Variants in DNAJC6 observed in about 807,000 individuals in gnomAD.
DNAJC6 encodes auxilin.
In DNAJC6, 34 loss-of-function variants were observed where a neutral mutation model predicts 110.0. The observed-to-expected ratio is 0.31, with a 90% CI of 0.24 to 0.41. The LOEUF is 0.41. Among genes scored for constraint, DNAJC6 ranks in the 10% least tolerant of loss-of-function variants. The pLI is 1.00. For synonymous variants in DNAJC6, 406 were observed against 437.2 expected (o/e 0.93, Z 0.89); for missense variants, 1,031 against 1,207.8 (o/e 0.85, Z 2.17).
intron 11 of DNAJC6, 28 bp downstream of exon 11, chr1:65,389,655 A>T: frequency 6.2e-7 from 1 of 1,605,630 alleles, no homozygotes; most frequent in Non-Finnish European, 8.5e-7. Flanking sequence ...TTTAAGTCAC[A>T]TGGTTTGATG....
chr1:65,340,720 G>T (rs1004520590), intron 1 of DNAJC6, among the ~76,000 whole-genome samples: 1 of 152,138 alleles, frequency 6.6e-6, no homozygotes, highest in Admixed American at 6.6e-5. Flanking sequence ...AGTGTCCAAA[G>T]AATGGTAGCT....
chr1:65,323,329 G>A (rs1319272181), intron 1 of DNAJC6, among the ~76,000 whole-genome samples: 2 of 152,182 alleles, frequency 1.3e-5, no homozygotes, highest in African/African-American at 2.4e-5. Context: ...CTCCCTTGCT[G>A]TTCTCATGAT....
At chr1:65,278,668 A>G (rs2101178382) in intron 1 of DNAJC6, among the ~76,000 whole-genome samples, 1 of 152,334 alleles carries the variant, frequency 6.6e-6, no homozygotes, top group Admixed American at 6.5e-5. Context: ...TAGAGTAACA[A>G]AGAAAGTGCC....
chr1:65,279,216 G>C, intron 1 of DNAJC6: 3 of 958,760 alleles, frequency 3.1e-6, no homozygotes, highest in South Asian at 9.7e-5. Flanking sequence ...GAGGGGCGGT[G>C]ATGGTGGCGT....
chr1:65,323,409 TAA>T, intron 1 of DNAJC6, among the ~76,000 whole-genome samples: 1 of 152,180 alleles, frequency 6.6e-6, no homozygotes, highest in Non-Finnish European at 1.5e-5. Flanking sequence ...TGCCACCATG[TAA>T]GACGTGTCTT....
At chr1:65,332,055 C>T (rs1402907167) in intron 1 of DNAJC6, among the ~76,000 whole-genome samples, 2 of 152,166 alleles carry the variant, frequency 1.3e-5, no homozygotes, top group East Asian at 3.9e-4. Context: ...GACCTGGTTC[C>T]AGGCCTGAGT....
intron 1 of DNAJC6, among the ~76,000 whole-genome samples, chr1:65,360,968 G>T (rs1365559325): frequency 1.3e-5 from 2 of 152,276 alleles, no homozygotes; most frequent in Non-Finnish European, 1.5e-5. Context: ...TTGTGTATAG[G>T]CAGGTAAGGC....
At chr1:65,360,043 T>C (rs1050931907) in intron 1 of DNAJC6, among the ~76,000 whole-genome samples, 3 of 152,222 alleles carry the variant, frequency 2.0e-5, no homozygotes, top group African/African-American at 7.2e-5. Flanking sequence ...ACCGTGGTCA[T>C]TGTTTGTCTT....
At chr1:65,325,045 A>G (rs1303953768) in intron 1 of DNAJC6, among the ~76,000 whole-genome samples, 3 of 152,186 alleles carry the variant, frequency 2.0e-5, no homozygotes, top group Admixed American at 1.3e-4. Flanking sequence ...ACTATACCCT[A>G]CAGGAATTTC....
At chr1:65,287,192 T>G (rs1654049967) in intron 1 of DNAJC6, among the ~76,000 whole-genome samples, 1 of 152,350 alleles carries the variant, frequency 6.6e-6, no homozygotes, top group South Asian at 2.1e-4. Flanking sequence ...CCTAATACAC[T>G]GAAAATCAGA....
At chr1:65,394,468 T>G (rs1367859729) in intron 12 of DNAJC6, among the ~76,000 whole-genome samples, 1 of 152,232 alleles carries the variant, frequency 6.6e-6, no homozygotes, top group African/African-American at 2.4e-5. Context: ...TAGTTACATA[T>G]TAGCATTGTT....
intron 1 of DNAJC6, among the ~76,000 whole-genome samples, chr1:65,332,704 G>T (rs1323741941): frequency 6.6e-6 from 1 of 152,158 alleles, no homozygotes; most frequent in African/African-American, 2.4e-5. Context: ...CTTAGGAAGT[G>T]GTTAAATTGA....
intron 8 of DNAJC6, 26 bp downstream of exon 8, chr1:65,386,955 A>G (rs375334857): frequency 1.7e-5 from 27 of 1,578,456 alleles, no homozygotes; most frequent in South Asian, 2.2e-5. Context: ...GAATCATGGC[A>G]TAAGTTCATC....
chr1:65,385,839 C>A lies in DNAJC6; in HGVS notation c.928C>A (p.Pro310Thr). Residue 310 changes from proline to threonine, a missense_variant, in exon 7 of 19, where the codon CCT (proline) becomes ACT (threonine). Coordinates refer to ENST00000371069, the MANE Select transcript of DNAJC6 (RefSeq NM_001256864.2). ...CAACAAACAGAGGAATGGATGTCGC[C>A]CTTACTGTGATGTACTCATTGGAGA... ...FFNKQRNGCR[P>T]YCDVLIGETK... is the part of the protein sequence containing the mutation. The A allele has an allele frequency of 6.2e-7, 1 of 1,614,028 alleles. No homozygotes were observed. Among genetic ancestry groups the A allele is most frequent in the Non-Finnish European group, 8.5e-7 (1 of 1,179,948 alleles).
chr1:65,358,620 T>A (rs1269251887), intron 1 of DNAJC6, among the ~76,000 whole-genome samples: 2 of 152,250 alleles, frequency 1.3e-5, no homozygotes, highest in Admixed American at 1.3e-4. Flanking sequence ...AGTTTTCTTT[T>A]ACAAAAGTAA....
chr1:65,266,897 AT>A (rs543244389), intron 1 of DNAJC6, among the ~76,000 whole-genome samples: 15,958 of 141,474 alleles, frequency 0.11, 1,004 homozygotes, highest in African/African-American at 0.21. Flanking sequence ...GGTATTTAGA[AT>A]TTTTTTTTTT....
chr1:65,385,373 CT>C (rs1645861237), intron 6 of DNAJC6, among the ~76,000 whole-genome samples: 1 of 152,150 alleles, frequency 6.6e-6, no homozygotes, highest in African/African-American at 2.4e-5. Flanking sequence ...TGATAAAATT[CT>C]AAAATTTATC....
chr1:65,353,329 A>G (rs749951969), intron 1 of DNAJC6, among the ~76,000 whole-genome samples: 32 of 152,102 alleles, frequency 2.1e-4, no homozygotes, highest in Non-Finnish European at 4.0e-4. Context: ...GAGCCTTTTT[A>G]TTTGGTCCAC....
intron 16 of DNAJC6, among the ~76,000 whole-genome samples, chr1:65,407,073 A>G (rs544053242): frequency 1.3e-5 from 2 of 152,334 alleles, no homozygotes; most frequent in South Asian, 4.1e-4. Context: ...TATTAAATGG[A>G]AAATTCCAGG....
Sources: gnomAD v4.1 joint callset for allele counts (sites outside exome capture counted in the v4.1 genomes callset) on GRCh38, gnomAD v4.1.1 for gene constraint, MANE v1.5 for transcripts, NCBI Gene and HGNC (gene_info 2026-07-23, HGNC 2026-07-21) for gene names.